Variants in VPS13D observed in about 807,000 individuals in gnomAD.
VPS13D encodes intermembrane lipid transfer protein VPS13D.
In VPS13D, 187 loss-of-function variants were observed where a neutral mutation model predicts 461.9. That is an observed-to-expected ratio of 0.40 (90% CI 0.36 to 0.46). The LOEUF is 0.46. VPS13D is among the 20% of genes least tolerant of loss of function. The pLI, the probability that VPS13D is intolerant of heterozygous loss-of-function variation, is 0.60. For missense variants in VPS13D, 4,711 were observed against 5,364.9 expected, an observed-to-expected ratio of 0.88 and a Z score of 3.81; for synonymous variants, 1,951 against 1,986.3, an observed-to-expected ratio of 0.98 and a Z score of 0.47.
At chr1:12,466,675 A>C (rs971822951) in intron 67 of VPS13D, among the ~76,000 whole-genome samples, 2 of 151,918 alleles carry the variant, frequency 1.3e-5, no homozygotes, top group African/African-American at 4.9e-5. Flanking sequence ...AGGCATGTAT[A>C]TGGTAGAGGT....
In VPS13D at chr1:12,349,210, G is replaced by A. The variant is rs1385674928; in HGVS notation, c.9267G>A (p.Val3089=). 2.5e-6 allele frequency: 4 copies of A among 1,614,002 alleles called. No homozygotes were observed. The highest frequency in any genetic ancestry group is 2.7e-5 in the African/African-American group (2 of 74,910). Residue 3089 remains valine, a synonymous_variant, in exon 46 of 70, where the codon GTG becomes GTA. Transcript: ENST00000620676. The stretch of plus-strand genomic sequence containing the variant: ...TCATGCCAGGGGATTCGTTTGCTGT[G>A]CCTTTACACCTCACTTCTTGGCGGC... The part of the protein sequence containing the change: ...PAIMPGDSFA[V]PLHLTSWRLQ...
intron 37 of VPS13D, among the ~76,000 whole-genome samples, chr1:12,331,415 ATTTC>A (rs1225919189): frequency 6.6e-6 from 1 of 152,052 alleles, no homozygotes; most frequent in Non-Finnish European, 1.5e-5. Context: ...TAACACCCTT[ATTTC>A]TTCATTGTTC....
chr1:12,359,277 G>T (rs910161959), intron 50 of VPS13D, among the ~76,000 whole-genome samples: 1 of 152,102 alleles, frequency 6.6e-6, no homozygotes, highest in Non-Finnish European at 1.5e-5. Context: ...TTGTAGCAGC[G>T]CATCCTTTCA....
At chr1:12,329,177 T>G (rs1643267222) in intron 36 of VPS13D, among the ~76,000 whole-genome samples, 1 of 152,174 alleles carries the variant, frequency 6.6e-6, no homozygotes, top group South Asian at 2.1e-4. Flanking sequence ...CAGTCTGCCC[T>G]CTTATCATTT....
At chr1:12,288,031 C>G (rs1642022304) in intron 21 of VPS13D, among the ~76,000 whole-genome samples, 192 bp from the exon 22 acceptor site, 1 of 152,200 alleles carries the variant, frequency 6.6e-6, no homozygotes, top group South Asian at 2.1e-4. Context: ...TTTAGACTGT[C>G]CAGTCTCCGC....
At chr1:12,245,797 A>G (rs1432539700) in intron 5 of VPS13D, among the ~76,000 whole-genome samples, 1 of 152,246 alleles carries the variant, frequency 6.6e-6, no homozygotes, top group African/African-American at 2.4e-5. Context: ...GCCCCTGTCA[A>G]TCACTAATCT....
At chr1:12,425,564 A>G (rs1644914419) in intron 65 of VPS13D, among the ~76,000 whole-genome samples, 1 of 135,470 alleles carries the variant, frequency 7.4e-6, no homozygotes. Context: ...TTCTGTCTTA[A>G]AAAAAAAAAA....
At position 12,278,027 on chromosome 1, in the gene VPS13D, A is replaced by T. The variant is rs750934697; in HGVS notation, c.4439A>T (p.His1480Leu). The change falls in exon 19 of 70, where the codon CAT (histidine) becomes CTT (leucine). Residue 1480 changes from histidine to leucine, a missense_variant. His to Leu is a moderately conservative substitution (Grantham distance 99). This residue lies in a region of VPS13D where 4,411 missense variants were observed against 4,937.8 expected (regional missense o/e 0.89). Transcript: ENST00000620676. Reference protein sequence around the residue: ...FTRHDFFESLHRGQAFHILNN... With the variant: ...FTRHDFFESLLRGQAFHILNN... ...CGACATGATTTCTTTGAATCTTTGC[A>T]TAGAGGTCAAGGTGAGGAGCATCAG... 3 of 1,612,750 alleles carry T rather than the reference A, an allele frequency of 1.9e-6. No homozygotes were observed. The highest frequency in any genetic ancestry group is 2.5e-6 in the Non-Finnish European group (3 of 1,179,298).
chr1:12,258,838 C>T (rs1026878273), intron 10 of VPS13D, among the ~76,000 whole-genome samples: 1 of 152,196 alleles, frequency 6.6e-6, no homozygotes, highest in African/African-American at 2.4e-5. Context: ...ATACTTTTCC[C>T]TTCAGCACCT....
At chr1:12,431,816 CCAGTGAGTAAA>C (rs1644995660) in intron 65 of VPS13D, among the ~76,000 whole-genome samples, 1 of 151,944 alleles carries the variant, frequency 6.6e-6, no homozygotes, top group African/African-American at 2.4e-5. Context: ...AGAATCTTAC[CCAGTGAGTAAA>C]CCCATGCAAA....
At chr1:12,467,902 T>C (rs1262286869) in intron 67 of VPS13D, among the ~76,000 whole-genome samples, 1 of 151,026 alleles carries the variant, frequency 6.6e-6, no homozygotes, top group Non-Finnish European at 1.5e-5. Flanking sequence ...AACCACACTA[T>C]CCTGCTTCCA....
chr1:12,236,698 A>G (rs907157444), intron 2 of VPS13D, among the ~76,000 whole-genome samples: 2 of 152,094 alleles, frequency 1.3e-5, no homozygotes, highest in African/African-American at 2.4e-5. Context: ...TGTCATTTCA[A>G]TCCATCTACT....
intron 65 of VPS13D, among the ~76,000 whole-genome samples, chr1:12,425,223 T>A (rs1644909829): frequency 6.6e-6 from 1 of 152,092 alleles, no homozygotes; most frequent in South Asian, 2.1e-4. Flanking sequence ...AGTTTATTCT[T>A]AGGAGAAAGA....
In VPS13D at chr1:12,379,901, T is replaced by C. The variant is rs1644250023; in HGVS notation, c.11190+305T>C. On this transcript the variant is annotated intron_variant, in intron 57 of 69. Coordinates refer to ENST00000620676, the MANE Select transcript of VPS13D (RefSeq NM_015378.4). ...CTCCTTCCTCAGCCTCCCGAGTAGC[T>C]GGGACTACAGGTGCCCGCCACCACG... Among the ~76,000 whole-genome samples the C allele has an allele frequency of 2.0e-5, 3 of 152,056 alleles. No individual in the cohort carries two copies. In the South Asian group the frequency reaches 6.2e-4, roughly 32 times the overall value.
intron 65 of VPS13D, among the ~76,000 whole-genome samples, chr1:12,418,017 C>T (rs1644817535): frequency 6.6e-6 from 1 of 152,202 alleles, no homozygotes; most frequent in Admixed American, 6.5e-5. Flanking sequence ...AGCAACTCTC[C>T]TGCCTCAGCC....
intron 63 of VPS13D, among the ~76,000 whole-genome samples, chr1:12,409,271 C>CA (rs780070517): frequency 5.9e-5 from 9 of 152,036 alleles, no homozygotes; most frequent in Non-Finnish European, 8.8e-5. Context: ...TTTTGAGTCA[C>CA]AAAAAAGTTT....
Position 12,283,354 on chromosome 1 carries a change from A to AG in VPS13D, c.5254dup (p.Glu1752GlyfsTer19). 2 of 1,614,182 alleles carry AG rather than the reference A, an allele frequency of 1.2e-6. No homozygotes were observed. Among genetic ancestry groups the AG allele is most frequent in the Non-Finnish European group, 1.7e-6 (2 of 1,180,032 alleles). ...ACCTCTGCGTCCCGGAAAAAGCAAA[A>AG]GGAAGTCCAAGACAAGGACTATCCC... On this transcript the variant is annotated frameshift_variant, in exon 21 of 70. Coordinates refer to ENST00000620676, the MANE Select transcript of VPS13D (RefSeq NM_015378.4). LOFTEE classifies it high-confidence loss of function.
At chr1:12,494,266 T>C (rs1645926320) in intron 67 of VPS13D, among the ~76,000 whole-genome samples, 1 of 152,226 alleles carries the variant, frequency 6.6e-6, no homozygotes, top group Admixed American at 6.5e-5. Context: ...TGATAGTCAG[T>C]GTGTATCCTC....
At chr1:12,354,580 G>A (rs1226315206) in intron 47 of VPS13D, among the ~76,000 whole-genome samples, 1 of 152,152 alleles carries the variant, frequency 6.6e-6, no homozygotes, top group African/African-American at 2.4e-5. Flanking sequence ...AACTTATCAA[G>A]CCGAAAGGTT....
Sources: gnomAD v4.1 joint callset for allele counts (sites outside exome capture counted in the v4.1 genomes callset) on GRCh38, gnomAD v4.1.1 for gene constraint, gnomAD v4.1.1 regional missense constraint, MANE v1.5 for transcripts, NCBI Gene and HGNC (gene_info 2026-07-23, HGNC 2026-07-21) for gene names.